Variants in HIVEP3 observed in about 807,000 individuals in gnomAD.
HIVEP3 encodes the protein transcription factor HIVEP3.
Under a neutral mutation model 152.8 loss-of-function variants are expected in HIVEP3, and 49 were observed. That is an observed-to-expected ratio of 0.32 (90% confidence interval 0.26 to 0.41). The LOEUF (loss-of-function observed/expected upper bound fraction) is 0.41. HIVEP3 is among the 10% of genes least tolerant of loss of function. HIVEP3 has a pLI of 1.00. For synonymous variants in HIVEP3, 1,269 were observed against 1,289.0 expected (o/e 0.98, Z 0.33); for missense variants, 2,790 against 3,103.3 (o/e 0.90, Z 2.40).
chr1:41,740,359 C>G (rs567982617), intron 1 of HIVEP3, among the ~76,000 whole-genome samples: 2 of 152,242 alleles, frequency 1.3e-5, no homozygotes, highest in South Asian at 4.1e-4. Flanking sequence ...CAGGACACCC[C>G]TGGCTTCTCT....
At chr1:41,843,239 C>T (rs546160686) in intron 1 of HIVEP3, among the ~76,000 whole-genome samples, 3 of 152,256 alleles carry the variant, frequency 2.0e-5, no homozygotes, top group South Asian at 2.1e-4. Context: ...TGATAATTAG[C>T]GATAGACTTG....
chr1:41,895,561 C>T (rs1166278281), intron 1 of HIVEP3, among the ~76,000 whole-genome samples: 1 of 152,188 alleles, frequency 6.6e-6, no homozygotes, highest in Non-Finnish European at 1.5e-5. Context: ...CAGAGAAAGG[C>T]ACATTTCAGA....
At chr1:41,812,325 AT>A (rs1028174165) in intron 1 of HIVEP3, among the ~76,000 whole-genome samples, 5 of 152,116 alleles carry the variant, frequency 3.3e-5, no homozygotes, top group African/African-American at 1.2e-4. Context: ...TAATTCCAGC[AT>A]TTGGGGAGGC....
intron 2 of HIVEP3, among the ~76,000 whole-genome samples, chr1:41,667,618 G>C (rs1173518849): frequency 6.6e-6 from 1 of 152,232 alleles, no homozygotes; most frequent in African/African-American, 2.4e-5. Context: ...GCCCACCAAG[G>C]GAGGTGCATA....
intron 1 of HIVEP3, among the ~76,000 whole-genome samples, chr1:41,949,781 G>A (rs1281013268): frequency 6.6e-6 from 1 of 152,070 alleles, no homozygotes; most frequent in Admixed American, 6.6e-5. Context: ...TCTTCAAATG[G>A]AGCCCCAGAG....
chr1:41,555,212 C>T (rs1643946985), intron 5 of HIVEP3, among the ~76,000 whole-genome samples: 1 of 152,200 alleles, frequency 6.6e-6, no homozygotes, highest in Non-Finnish European at 1.5e-5. Context: ...GTGGATGCCC[C>T]TCCCCCTGCC....
Position 41,583,701 on chromosome 1 carries a change from A to T in HIVEP3, c.1097T>A (p.Leu366His). ...CACCTTCTTCCTCTCGCTTAAGCGGAGGGCCAGCTTCTGCTTAATCGTGTG... is the reference window on the plus strand; with the variant it reads ...CACCTTCTTCCTCTCGCTTAAGCGGTGGGCCAGCTTCTGCTTAATCGTGTG... ...DTHTIKQKLA[L>H]RLSERKKVID... is the part of the protein sequence containing the mutation. Residue 366 changes from leucine to histidine, a missense_variant, in exon 4 of 9, where the codon CTC (leucine) becomes CAC (histidine). Leu to His is a moderately conservative substitution (Grantham distance 99, BLOSUM62 -3). Around this residue, in one of 9 missense-constraint regions of HIVEP3, gnomAD observed 134 missense variants for 242.5 expected, o/e 0.55. Transcript: ENST00000372583. The surrounding 1 kb of genome is among the most constrained non-coding windows in gnomAD (Gnocchi z 6.9). The T allele has an allele frequency of 6.2e-7, 1 of 1,612,670 alleles. No homozygotes were observed. Among genetic ancestry groups the T allele is most frequent in the East Asian group, 2.2e-5 (1 of 44,848 alleles).
intron 5 of HIVEP3, among the ~76,000 whole-genome samples, chr1:41,566,847 C>T (rs1644171546): frequency 6.6e-6 from 1 of 152,126 alleles, no homozygotes; most frequent in Non-Finnish European, 1.5e-5. Context: ...TGTCTGTCTG[C>T]CCTAGAAATG....
intron 1 of HIVEP3, among the ~76,000 whole-genome samples, chr1:41,987,201 C>T (rs938684011): frequency 7.2e-5 from 11 of 152,094 alleles, no homozygotes; most frequent in African/African-American, 2.2e-4. Context: ...GAATTAATAT[C>T]GCTAAAATGA....
At chr1:41,566,381 C>A (rs1644163533) in intron 5 of HIVEP3, among the ~76,000 whole-genome samples, 1 of 152,182 alleles carries the variant, frequency 6.6e-6, no homozygotes, top group Admixed American at 6.5e-5. Context: ...AATGCCCCTG[C>A]AGGTCCCCAG....
At chr1:42,027,189 C>T (rs546679676) in intron 1 of HIVEP3, among the ~76,000 whole-genome samples, 11 of 152,310 alleles carry the variant, frequency 7.2e-5, no homozygotes, top group Admixed American at 5.9e-4. Flanking sequence ...TCCTCTCTCT[C>T]TCACACACAT....
chr1:41,724,384 G>A (rs1646721635), intron 1 of HIVEP3, among the ~76,000 whole-genome samples: 1 of 152,210 alleles, frequency 6.6e-6, no homozygotes, highest in Admixed American at 6.5e-5. Flanking sequence ...GGAATGCCTA[G>A]GGCTGAATAA....
intron 5 of HIVEP3, among the ~76,000 whole-genome samples, chr1:41,532,910 C>T (rs1475612781): frequency 2.6e-5 from 4 of 152,110 alleles, no homozygotes; most frequent in Non-Finnish European, 5.9e-5. Flanking sequence ...CTGGGTGGCA[C>T]CCAAATTCAA....
chr1:41,738,206 G>A (rs370081648), intron 1 of HIVEP3, among the ~76,000 whole-genome samples: 8 of 152,212 alleles, frequency 5.3e-5, no homozygotes, highest in African/African-American at 1.2e-4. Flanking sequence ...GGGAAGCAGC[G>A]TCCCCAGAGA....
chr1:41,988,426 C>A (rs781281920), intron 1 of HIVEP3, among the ~76,000 whole-genome samples: 1 of 152,134 alleles, frequency 6.6e-6, no homozygotes. Flanking sequence ...AAAGGCATTT[C>A]TCAAAAGAAG....
At position 41,581,639 on chromosome 1, in the gene HIVEP3, CCTG is replaced by C; in HGVS notation, c.3156_3158del (p.Ser1052del). 5.6e-6 allele frequency: 9 copies of C among 1,614,156 alleles called. No homozygotes were observed. Among genetic ancestry groups the C allele is most frequent in the African/African-American group, 4.0e-5 (3 of 75,068 alleles). On this transcript the variant is annotated inframe_deletion, in exon 4 of 9. Coordinates refer to ENST00000372583, the MANE Select transcript of HIVEP3 (RefSeq NM_024503.5). The surrounding 1 kb of genome is among the most constrained non-coding windows in gnomAD (Gnocchi z 4.5). Reference sequence around the variant, plus strand: ...CAACCTCCAACTCAGATTCTGGAGGCCTGCTCAGAGAGGCCTGTCTCACCAAGA... The same window carrying C: ...CAACCTCCAACTCAGATTCTGGAGGCCTCAGAGAGGCCTGTCTCACCAAGA...
intron 1 of HIVEP3, among the ~76,000 whole-genome samples, chr1:41,917,575 A>G (rs547063693): frequency 1.3e-5 from 2 of 152,320 alleles, no homozygotes; most frequent in South Asian, 4.1e-4. Context: ...AAGGAAACCA[A>G]TGCCGAGCCT....
rs530965880 is a variant in HIVEP3, at chr1:41,893,855, GA to G, written c.-801+24557del. Among the ~76,000 whole-genome samples, 208 of 145,544 alleles carry G rather than the reference GA, an allele frequency of 1.4e-3. 1 individual carries two copies. The highest frequency in any genetic ancestry group is 4.9e-3 in the African/African-American group (195 of 39,868). ...TATAATATATATTATATATGAATATGAAAAAATTATATATTATATATTATAT... is the reference window on the plus strand; with the variant it reads ...TATAATATATATTATATATGAATATGAAAAATTATATATTATATATTATAT... On this transcript the variant is annotated intron_variant, in intron 1 of 8. Coordinates refer to ENST00000372583, the MANE Select transcript of HIVEP3 (RefSeq NM_024503.5).
At chr1:41,760,600 G>T (rs766103889) in intron 1 of HIVEP3, among the ~76,000 whole-genome samples, 1 of 152,198 alleles carries the variant, frequency 6.6e-6, no homozygotes, top group Non-Finnish European at 1.5e-5. Context: ...GATACTTGCT[G>T]ATTGAATAAA....
Sources: gnomAD v4.1 joint callset for allele counts (sites outside exome capture counted in the v4.1 genomes callset) on GRCh38, gnomAD v4.1.1 for gene constraint, gnomAD v4.1.1 regional missense constraint, Gnocchi (gnomAD v3.1) non-coding constraint, MANE v1.5 for transcripts, NCBI Gene and HGNC (gene_info 2026-07-23, HGNC 2026-07-21) for gene names.